The following GRK5 variants were observed in gnomAD, a reference collection of about 807,000 sequenced individuals.
GRK5 encodes the protein G protein-coupled receptor kinase 5, also known as g protein-coupled receptor kinase GRK5.
In GRK5, 40 loss-of-function variants were observed where a neutral mutation model predicts 78.4. The ratio of observed to expected loss-of-function variants is 0.51; its 90% CI spans 0.40 to 0.66. The LOEUF (loss-of-function observed/expected upper bound fraction) is 0.66. Ranked by LOEUF, GRK5 falls within the 30% of genes least tolerant of loss-of-function variation. The pLI, the probability that GRK5 is intolerant of heterozygous loss-of-function variation, is 0.00. For missense variants in GRK5, 598 were observed against 759.9 expected (o/e 0.79, Z 2.50); for synonymous variants, 289 against 296.8 (o/e 0.97, Z 0.27).
chr10:119,257,038 T>G (rs886792404), intron 1 of GRK5, among the ~76,000 whole-genome samples: 1 of 152,240 alleles, frequency 6.6e-6, no homozygotes, highest in Admixed American at 6.5e-5. Context: ...TCAAGGTTCA[T>G]CCATGTTGCA....
Position 119,378,568 on chromosome 10 carries a change from C to T in GRK5, c.149-2247C>T, listed in dbSNP as rs1318099451. 6.6e-6 allele frequency among the ~76,000 whole-genome samples: 1 copy of T among 152,272 alleles called. No homozygotes were observed. The highest frequency in any genetic ancestry group is 2.4e-5 in the African/African-American group (1 of 41,474). On this transcript the variant is annotated intron_variant, in intron 2 of 15. Coordinates refer to ENST00000392870, the MANE Select transcript of GRK5 (RefSeq NM_005308.3). The surrounding 1 kb of genome is among the most constrained non-coding windows in gnomAD (Gnocchi z 4.5). ...GGCTCTTTCCGTTCCAGGAGGCAGA[C>T]AGCGGAGTGCTGAGGCCGTGTCCCC... is the stretch of plus-strand genomic sequence containing the variant.
At chr10:119,302,711 A>T (rs1188925961) in intron 1 of GRK5, among the ~76,000 whole-genome samples, 1 of 152,160 alleles carries the variant, frequency 6.6e-6, no homozygotes, top group Non-Finnish European at 1.5e-5. Context: ...GCCAGAAAGC[A>T]GGACTGTCCA....
At chr10:119,216,027 A>G (rs1158100114) in intron 1 of GRK5, among the ~76,000 whole-genome samples, 1 of 152,228 alleles carries the variant, frequency 6.6e-6, no homozygotes, top group Non-Finnish European at 1.5e-5. Flanking sequence ...CCACTTGAAA[A>G]TGGTTTTCTC....
At chr10:119,428,648 G>A (rs1377859754) in intron 6 of GRK5, among the ~76,000 whole-genome samples, 1 of 152,208 alleles carries the variant, frequency 6.6e-6, no homozygotes, top group Admixed American at 6.5e-5. Flanking sequence ...GCCTTTGTCG[G>A]TGGTCACTGG....
At position 119,207,739 on chromosome 10, in the gene GRK5, CTT is replaced by C. The variant is rs1564847880; in HGVS notation, c.-177_-176del. 1.2e-5 allele frequency: 7 copies of C among 592,176 alleles called. No individual in the cohort carries two copies. Among genetic ancestry groups the C allele is most frequent in the Non-Finnish European group, 2.0e-5 (7 of 355,546 alleles). 36.7% of individuals were successfully genotyped at this position (592,176 alleles called of 1,614,324 possible). On this transcript the variant is annotated 5_prime_UTR_variant, in exon 1 of 16. Transcript: ENST00000392870. ...GGCGGCGGCGGCGGCGGCGGCTCCT[CTT>C]TGCAGAGGGGGAAACTCTTGGGCTG...
rs1851664277 is a variant in GRK5 at position 119,378,664 on chromosome 10, T to TGTGGTGAATAAATGCCCGGGAGG, written c.149-2150_149-2149insTGGTGAATAAATGCCCGGGAGGG. Reference sequence around the variant, plus strand: ...CTCTCTCCGCTCATCTCCGCTTGTGTGCGGGCTGCGCCTCCGTGGGCTCTC... The same window carrying TGTGGTGAATAAATGCCCGGGAGG: ...CTCTCTCCGCTCATCTCCGCTTGTGTGTGGTGAATAAATGCCCGGGAGGGCGGGCTGCGCCTCCGTGGGCTCTC... On this transcript the variant is annotated intron_variant, in intron 2 of 15. Transcript: ENST00000392870. The surrounding 1 kb of genome is among the most constrained non-coding windows in gnomAD (Gnocchi z 4.5). Among the ~76,000 whole-genome samples the TGTGGTGAATAAATGCCCGGGAGG allele has an allele frequency of 7.3e-6, 1 of 137,716 alleles. No individual in the cohort carries two copies. Among genetic ancestry groups the TGTGGTGAATAAATGCCCGGGAGG allele is most frequent in the African/African-American group, 2.8e-5 (1 of 35,590 alleles). 90.3% of individuals were successfully genotyped at this position (137,716 alleles called of 152,430 possible). A position where few individuals can be genotyped will look rare whatever the true frequency, so the allele number is the denominator to read the frequency against.
chr10:119,454,903 C>T, intron 15 of GRK5, 66 bp from the exon 16 acceptor site: 2 of 1,053,192 alleles, frequency 1.9e-6, no homozygotes, highest in Admixed American at 1.7e-5. Context: ...AGCCCCGACC[C>T]ATCCCCAGGG....
At chr10:119,240,354 C>T (rs1849004517) in intron 1 of GRK5, among the ~76,000 whole-genome samples, 1 of 151,816 alleles carries the variant, frequency 6.6e-6, no homozygotes, top group African/African-American at 2.4e-5. Context: ...GCGCCTGCTA[C>T]CATGCCCGGC....
At chr10:119,443,452 T>C in intron 11 of GRK5, 92 bp from the exon 12 acceptor site, 1 of 1,158,454 alleles carries the variant, frequency 8.6e-7, no homozygotes, top group Non-Finnish European at 1.2e-6. Flanking sequence ...GGGTAAGAGT[T>C]GGTGGCGGCC....
At chr10:119,395,535 A>C (rs1377757540) in intron 3 of GRK5, among the ~76,000 whole-genome samples, 3 of 152,190 alleles carry the variant, frequency 2.0e-5, no homozygotes, top group Non-Finnish European at 4.4e-5. Context: ...ACAGAGGCTG[A>C]CAAATCCTTG....
At chr10:119,361,608 G>C (rs1851363711) in intron 2 of GRK5, among the ~76,000 whole-genome samples, 1 of 152,160 alleles carries the variant, frequency 6.6e-6, no homozygotes, top group Non-Finnish European at 1.5e-5. Context: ...AGACGTGAGA[G>C]GAATCCTGGC....
At chr10:119,233,772 G>A (rs974716787) in intron 1 of GRK5, among the ~76,000 whole-genome samples, 1 of 152,150 alleles carries the variant, frequency 6.6e-6, no homozygotes, top group East Asian at 1.9e-4. Context: ...AAGGCTGGAT[G>A]TGCACCTTTG....
rs1848411201 is a variant in GRK5, at chr10:119,207,830, G to GGCAGCCCGAGCAGCGGCAGCA, written c.-82_-62dup. The GGCAGCCCGAGCAGCGGCAGCA allele has an allele frequency of 1.5e-6, 2 of 1,292,978 alleles. No individual in the cohort carries two copies. The highest frequency in any genetic ancestry group is 2.1e-6 in the Non-Finnish European group (2 of 940,094). The allele number at this position is 1,292,978 out of a possible 1,614,324, so 80.1% of individuals were successfully genotyped here. Reference sequence around the variant, plus strand: ...CTCCCCCGGCTCCGGCAGCAGCGGCGGCAGCCCGAGCAGCGGCAGCAGCAG... The same window carrying GGCAGCCCGAGCAGCGGCAGCA: ...CTCCCCCGGCTCCGGCAGCAGCGGCGGCAGCCCGAGCAGCGGCAGCAGCAGCCCGAGCAGCGGCAGCAGCAG... On this transcript the variant is annotated 5_prime_UTR_variant, in exon 1 of 16. Coordinates refer to ENST00000392870, the MANE Select transcript of GRK5 (RefSeq NM_005308.3).
intron 1 of GRK5, among the ~76,000 whole-genome samples, chr10:119,236,460 CG>C (rs1848932907): frequency 6.6e-6 from 1 of 152,102 alleles, no homozygotes; most frequent in Non-Finnish European, 1.5e-5. Context: ...GTGATCCGCC[CG>C]CCTTGGCCTC....
chr10:119,320,349 A>C (rs928953240), intron 1 of GRK5, among the ~76,000 whole-genome samples: 13 of 152,236 alleles, frequency 8.5e-5, no homozygotes, highest in African/African-American at 2.9e-4. Context: ...GAAACAAATA[A>C]GTGGGAAGAT....
chr10:119,371,823 T>A (rs1851552445), intron 2 of GRK5, among the ~76,000 whole-genome samples: 1 of 152,258 alleles, frequency 6.6e-6, no homozygotes, highest in Non-Finnish European at 1.5e-5. Context: ...CAGTGGCTGC[T>A]GTTTCTGTGG....
intron 1 of GRK5, among the ~76,000 whole-genome samples, chr10:119,220,642 C>G: frequency 6.6e-6 from 1 of 151,522 alleles, no homozygotes; most frequent in East Asian, 1.9e-4. Flanking sequence ...TGAGACCACC[C>G]TGGCCAACAT....
intron 1 of GRK5, among the ~76,000 whole-genome samples, chr10:119,298,946 C>T (rs1027620607): frequency 7.2e-5 from 11 of 152,168 alleles, no homozygotes; most frequent in African/African-American, 2.4e-4. Context: ...ATGCTCCCTG[C>T]GGTGTGCACA....
intron 2 of GRK5, among the ~76,000 whole-genome samples, chr10:119,364,294 G>T (rs1033590042): frequency 4.6e-5 from 7 of 152,220 alleles, no homozygotes; most frequent in Admixed American, 1.3e-4. Context: ...TTCCCTTGGG[G>T]GTGGAGCTCT....
Sources: gnomAD v4.1 joint callset for allele counts (sites outside exome capture counted in the v4.1 genomes callset) on GRCh38, gnomAD v4.1.1 for gene constraint, Gnocchi (gnomAD v3.1) non-coding constraint, MANE v1.5 for transcripts, NCBI Gene and HGNC (gene_info 2026-07-23, HGNC 2026-07-21) for gene names.